The following ARHGEF5 variants were observed in gnomAD, a reference collection of about 807,000 sequenced individuals.
ARHGEF5 encodes Rho guanine nucleotide exchange factor 5, also known as Rho guanine nucleotide exchange factor (GEF) 5.
In ARHGEF5, 11 loss-of-function variants were observed where a neutral mutation model predicts 104.0. The ratio of observed to expected loss-of-function variants is 0.11; its 90% CI spans 0.07 to 0.18. ARHGEF5 has a LOEUF of 0.18. Ranked by LOEUF, ARHGEF5 falls within the 10% of genes least tolerant of loss-of-function variation. ARHGEF5 has a pLI of 1.00. For missense variants in ARHGEF5, 165 were observed against 1,335.4 expected, an observed-to-expected ratio of 0.12 and a Z score of 13.66; for synonymous variants, 60 against 512.2, an observed-to-expected ratio of 0.12 and a Z score of 11.92.
chr7:144,361,274 T>A, intron 1 of ARHGEF5, among the ~76,000 whole-genome samples: 1 of 111,910 alleles, frequency 8.9e-6, no homozygotes, highest in Non-Finnish European at 2.0e-5. Context: ...TGGAGGAAAC[T>A]GAAGGGGTAA....
intron 1 of ARHGEF5, among the ~76,000 whole-genome samples, chr7:144,358,808 C>T (rs1453502906): frequency 7.4e-6 from 1 of 134,610 alleles, no homozygotes; most frequent in East Asian, 2.1e-4. Context: ...TGTGTACACA[C>T]ACAGTGGCTA....
At chr7:144,377,309 T>A (rs1046368976) in intron 13 of ARHGEF5, 119 bp downstream of exon 13, 1 of 1,528,132 alleles carries the variant, frequency 6.5e-7, no homozygotes, top group African/African-American at 1.4e-5. Flanking sequence ...TTCCGTAAAA[T>A]GTCAGGGTGG....
intron 1 of ARHGEF5, among the ~76,000 whole-genome samples, chr7:144,360,845 T>C (rs2053632391): frequency 1.4e-5 from 2 of 143,334 alleles, no homozygotes; most frequent in Non-Finnish European, 1.6e-5. Context: ...CATCATTATA[T>C]AATTATAATT....
At chr7:144,374,341 ATATTT>A (rs1358282647) in intron 10 of ARHGEF5, among the ~76,000 whole-genome samples, 1 of 134,302 alleles carries the variant, frequency 7.4e-6, no homozygotes, top group Non-Finnish European at 1.6e-5. Flanking sequence ...CCTGCCTCTA[ATATTT>A]TATTTTAACC....
intron 5 of ARHGEF5, among the ~76,000 whole-genome samples, chr7:144,370,750 G>A (rs1416234705): frequency 6.8e-6 from 1 of 146,602 alleles, no homozygotes; most frequent in African/African-American, 2.5e-5. Flanking sequence ...ACAGGCGTGA[G>A]CCACTGCACC....
At chr7:144,361,717 GAGAGAAAC>G (rs1563114988) in intron 1 of ARHGEF5, among the ~76,000 whole-genome samples, 2 of 150,350 alleles carry the variant, frequency 1.3e-5, no homozygotes, top group African/African-American at 4.9e-5. Flanking sequence ...AAATTGAGGT[GAGAGAAAC>G]CCAGTTCCAT....
intron 1 of ARHGEF5, among the ~76,000 whole-genome samples, chr7:144,360,279 T>G (rs2053628349): frequency 8.8e-6 from 1 of 113,246 alleles, no homozygotes; most frequent in African/African-American, 3.4e-5. Context: ...CTCCACTAAT[T>G]TTTGTATTTT....
rs1190024331 is a variant in ARHGEF5, at chr7:144,358,790, TG to T, written c.-13+3290del. 1.6e-4 allele frequency among the ~76,000 whole-genome samples: 21 copies of T among 132,782 alleles called. 2 individuals are homozygous for T. The highest frequency in any genetic ancestry group is 5.7e-4 in the African/African-American group (21 of 36,542). 87.1% of individuals were successfully genotyped at this position (132,782 alleles called of 152,430 possible). ...GTGTGTGTGTGTGTGTGTGTGTGTG[TG>T]TGTGTGTGTGTACACACACAGTGGC... On this transcript the variant is annotated intron_variant, in intron 1 of 14. Coordinates refer to ENST00000056217, the MANE Select transcript of ARHGEF5 (RefSeq NM_005435.4).
At position 144,363,927 on chromosome 7, in the gene ARHGEF5, G is replaced by T. The variant is rs539009977; in HGVS notation, c.1258G>T (p.Asp420Tyr). 1 of 1,416,008 alleles carries T rather than the reference G, an allele frequency of 7.1e-7. No homozygotes were observed. Among genetic ancestry groups the T allele is most frequent in the African/African-American group, 1.6e-5 (1 of 61,448 alleles). 87.7% of individuals were successfully genotyped at this position (1,416,008 alleles called of 1,614,324 possible). The change falls in exon 2 of 15, where the codon GAC becomes TAC. Residue 420 changes from aspartate to tyrosine, a missense_variant. Coordinates refer to ENST00000056217, the MANE Select transcript of ARHGEF5 (RefSeq NM_005435.4). ...AGCCCCTGAGGACTCTCCTCACTGT[G>T]ACCTGTTTCCAGGTGCCTCATATCT... ...LIAPEDSPHC[D>Y]LFPGASYLMT...
intron 5 of ARHGEF5, among the ~76,000 whole-genome samples, chr7:144,370,522 A>G (rs1339011478): frequency 1.3e-5 from 2 of 149,292 alleles, no homozygotes; most frequent in Admixed American, 1.3e-4. Flanking sequence ...GCTGAAGTGC[A>G]GTGGTGCAAT....
In ARHGEF5 at chr7:144,360,879, T is replaced by C. The variant is rs2053632795; in HGVS notation, c.-12-1779T>C. Among the ~76,000 whole-genome samples the C allele has an allele frequency of 2.1e-5, 3 of 145,292 alleles. No individual in the cohort carries two copies. In the South Asian group the frequency reaches 6.5e-4, roughly 31 times the overall value. ...TTGTATAAATGCTACAAAGGAAAAG[T>C]AAAGAGAATTATAGTTGGTAAGTGC... On this transcript the variant is annotated intron_variant, in intron 1 of 14. Transcript: ENST00000056217.
At position 144,379,920 on chromosome 7, in the gene ARHGEF5, T is replaced by A. The variant is rs377004169; in HGVS notation, c.4658T>A (p.Leu1553His). The A allele has an allele frequency of 1.1e-5, 17 of 1,614,026 alleles. No individual in the cohort carries two copies. The East Asian group carries it at 2.9e-4, about 27-fold the overall frequency. ...SSDGWLEGVR[L>H]SDGERGWFPV... ...ACAGGCTGGCTGGAGGGCGTGAGGC[T>A]CTCAGACGGGGAGCGAGGCTGGTTT... is the stretch of plus-strand genomic sequence containing the variant. The change falls in exon 15 of 15, where the codon CTC (leucine) becomes CAC (histidine). Residue 1553 changes from leucine (L) to histidine (H), a missense_variant. Physicochemically the swap from Leu to His is moderately conservative, Grantham distance 99. Transcript: ENST00000056217.
intron 13 of ARHGEF5, among the ~76,000 whole-genome samples, chr7:144,377,730 G>T (rs2053771249): frequency 6.6e-6 from 1 of 152,162 alleles, no homozygotes; most frequent in Non-Finnish European, 1.5e-5. Context: ...CTCCAGCAAA[G>T]ATTCCCTAAT....
chr7:144,378,654 A>T, intron 13 of ARHGEF5, 108 bp from the exon 14 acceptor site: 1 of 862,020 alleles, frequency 1.2e-6, no homozygotes, highest in Non-Finnish European at 1.8e-6. Flanking sequence ...TCAACAGCCC[A>T]AATCTGTCTC....
In ARHGEF5 at chr7:144,379,986, G is replaced by A. The variant is rs200654855; in HGVS notation, c.4724G>A (p.Arg1575His). 12 of 1,614,054 alleles carry A rather than the reference G, an allele frequency of 7.4e-6. No individual in the cohort carries two copies. The highest frequency in any genetic ancestry group is 2.2e-5 in the East Asian group (1 of 44,888). Residue 1575 changes from arginine (R) to histidine (H), a missense_variant, in exon 15 of 15, where the codon CGT becomes CAT. Transcript: ENST00000056217. Reference protein sequence around the residue: ...QVEFISNPEVRAQNLKEAHRV... With the variant: ...QVEFISNPEVHAQNLKEAHRV... ...GAGTTCATTTCCAACCCAGAGGTCC[G>A]TGCACAGAACCTGAAGGAAGCTCAT...
chr7:144,379,557 C>A (rs1012576797), intron 14 of ARHGEF5, among the ~76,000 whole-genome samples: 1 of 152,224 alleles, frequency 6.6e-6, no homozygotes, highest in Non-Finnish European at 1.5e-5. Flanking sequence ...GATTAATGGC[C>A]ACCTTACTCC....
chr7:144,373,226 G>A lies in ARHGEF5; in HGVS notation c.4082G>A (p.Ser1361Asn), dbSNP rs770762631. Reference protein sequence around the residue: ...LIRDCNNNVQSMRRTEELIYL... With the variant: ...LIRDCNNNVQNMRRTEELIYL... ...CGGGACTGCAATAACAATGTCCAGAGTATGCGACGGACAGAGGAACTAATC... is the reference window on the plus strand; with the variant it reads ...CGGGACTGCAATAACAATGTCCAGAATATGCGACGGACAGAGGAACTAATC... Residue 1361 changes from serine to asparagine, a missense_variant, in exon 10 of 15, where the codon AGT becomes AAT. Coordinates refer to ENST00000056217, the MANE Select transcript of ARHGEF5 (RefSeq NM_005435.4). 3.5e-5 allele frequency: 51 copies of A among 1,453,810 alleles called. 10 individuals carry two copies. In the South Asian group the frequency reaches 4.8e-4, roughly 14 times the overall value. The allele number at this position is 1,453,810 out of a possible 1,614,324, so 90.1% of individuals were successfully genotyped here. A position where few individuals can be genotyped will look rare whatever the true frequency, so the allele number is the denominator to read the frequency against.
chr7:144,378,366 T>C (rs1428313045), intron 13 of ARHGEF5, among the ~76,000 whole-genome samples: 1 of 152,192 alleles, frequency 6.6e-6, no homozygotes, highest in Non-Finnish European at 1.5e-5. Context: ...TATAATCCAG[T>C]TGGAGAGGCA....
intron 12 of ARHGEF5, 152 bp from the exon 13 acceptor site, chr7:144,376,968 T>C: frequency 2.3e-6 from 1 of 435,128 alleles, no homozygotes; most frequent in Non-Finnish European, 4.2e-6. Context: ...TTCAAGATTG[T>C]GTCATGTTTC....
Sources: allele counts gnomAD v4.1 joint callset (sites outside exome capture counted in the v4.1 genomes callset), GRCh38; gene constraint gnomAD v4.1.1; transcripts MANE v1.5; gene names NCBI Gene and HGNC (gene_info 2026-07-23, HGNC 2026-07-21).